SCHIP1: variants seen among roughly 807,000 people sequenced by gnomAD.
The protein encoded by SCHIP1 is schwannomin-interacting protein 1.
Under a neutral mutation model 29.7 loss-of-function variants are expected in SCHIP1, and 8 were observed. That is an observed-to-expected ratio of 0.27 (90% CI 0.16 to 0.49). The LOEUF (loss-of-function observed/expected upper bound fraction) is 0.49. SCHIP1 is among the 20% of genes least tolerant of loss of function. The pLI, the probability that SCHIP1 is intolerant of heterozygous loss-of-function variation, is 0.99. For synonymous variants in SCHIP1, 76 were observed against 94.9 expected (o/e 0.80, Z 1.16); for missense variants, 193 against 294.6 (o/e 0.66, Z 2.52).
the SCHIP1 span, among the ~76,000 whole-genome samples, chr3:159,478,395 T>C: frequency 6.6e-6 from 1 of 152,164 alleles, no homozygotes; most frequent in East Asian, 1.9e-4. Context: ...ACTGCAAATG[T>C]GTGGCCTTCA....
the SCHIP1 span, among the ~76,000 whole-genome samples, chr3:159,458,620 AATAG>A: frequency 6.6e-6 from 1 of 151,070 alleles, no homozygotes; most frequent in African/African-American, 2.4e-5. Context: ...AGCTCCTTGT[AATAG>A]ATAGTAAAGA....
chr3:159,452,768 CA>C, the SCHIP1 span, among the ~76,000 whole-genome samples: 1 of 152,196 alleles, frequency 6.6e-6, no homozygotes, highest in Non-Finnish European at 1.5e-5. Context: ...CTCCCACCAA[CA>C]GTATAAAAGT....
chr3:159,332,939 A>G, the SCHIP1 span, among the ~76,000 whole-genome samples: 33 of 152,234 alleles, frequency 2.2e-4, no homozygotes, highest in Non-Finnish European at 4.4e-4. Flanking sequence ...TTGCTCCTGC[A>G]TCATAGTCCA....
chr3:159,888,979 A>G (rs368684278), intron 5 of SCHIP1, 36 bp downstream of exon 6: 17 of 1,606,632 alleles, frequency 1.1e-5, no homozygotes, highest in South Asian at 1.0e-4. Context: ...AGGATATTCA[A>G]TGTAAAACAT....
the SCHIP1 span, among the ~76,000 whole-genome samples, chr3:159,275,887 AT>A: frequency 6.6e-6 from 1 of 152,128 alleles, no homozygotes; most frequent in Non-Finnish European, 1.5e-5. Context: ...ACAATCTTAA[AT>A]TTAGTTGAGT....
At chr3:159,554,003 TG>T in the SCHIP1 span, among the ~76,000 whole-genome samples, 3 of 126,324 alleles carry the variant, frequency 2.4e-5, no homozygotes, top group African/African-American at 8.1e-5. Flanking sequence ...TGTGTGTGTG[TG>T]TGTGTGTGTG....
the SCHIP1 span, among the ~76,000 whole-genome samples, chr3:159,378,724 T>A: frequency 6.6e-6 from 1 of 151,996 alleles, no homozygotes; most frequent in Non-Finnish European, 1.5e-5. Context: ...GTTGGATATG[T>A]TCACCATCAC....
the SCHIP1 span, among the ~76,000 whole-genome samples, chr3:159,347,358 A>T: frequency 6.6e-6 from 1 of 152,190 alleles, no homozygotes; most frequent in Non-Finnish European, 1.5e-5. Context: ...CTTACATTTC[A>T]GAGAAAAAAA....
chr3:159,821,516 C>T, the SCHIP1 span, among the ~76,000 whole-genome samples: 1 of 152,212 alleles, frequency 6.6e-6, no homozygotes, highest in African/African-American at 2.4e-5. Context: ...TTGCCATCAA[C>T]TGAAACATGT....
chr3:159,850,344 A>T (rs1453031839), intron 1 of SCHIP1, among the ~76,000 whole-genome samples: 1 of 152,138 alleles, frequency 6.6e-6, no homozygotes, highest in African/African-American at 2.4e-5. Flanking sequence ...ACCTGAGGTC[A>T]GGAGTTCGAG....
the SCHIP1 span, among the ~76,000 whole-genome samples, chr3:159,309,495 G>T: frequency 3.2e-4 from 49 of 152,216 alleles, no homozygotes; most frequent in African/African-American, 1.1e-3. Flanking sequence ...TGTGGAGTTA[G>T]ACTCATTTTC....
chr3:159,398,165 T>A, the SCHIP1 span, among the ~76,000 whole-genome samples: 1 of 152,158 alleles, frequency 6.6e-6, no homozygotes, highest in East Asian at 1.9e-4. Flanking sequence ...AGTGAGGCAA[T>A]GCCTCACCCT....
chr3:159,881,637 A>C (rs191579236), intron 2 of SCHIP1, among the ~76,000 whole-genome samples: 2 of 152,356 alleles, frequency 1.3e-5, no homozygotes, highest in African/African-American at 4.8e-5. Context: ...TGTTAAGTGT[A>C]GTATAAGGGA....
At chr3:159,858,349 G>A (rs112651095) in intron 1 of SCHIP1, among the ~76,000 whole-genome samples, 21 of 152,238 alleles carry the variant, frequency 1.4e-4, no homozygotes, top group African/African-American at 3.9e-4. Context: ...CTCCTCTACC[G>A]TAGCCATCTT....
chr3:159,708,241 A>G, the SCHIP1 span, among the ~76,000 whole-genome samples: 1 of 152,196 alleles, frequency 6.6e-6, no homozygotes. Context: ...CTCACTCCAA[A>G]TGTAGGCAAT....
chr3:159,626,230 CTAGATATATCTATCTATCTATATAGA>C, the SCHIP1 span, among the ~76,000 whole-genome samples: 27 of 80,184 alleles, frequency 3.4e-4, no homozygotes, highest in African/African-American at 3.0e-3. Context: ...ATATATATAT[CTAGATATATCTATCTATCTATATAGA>C]TAGATAGATA....
At chr3:159,512,033 A>G in the SCHIP1 span, among the ~76,000 whole-genome samples, 1 of 152,228 alleles carries the variant, frequency 6.6e-6, no homozygotes. Flanking sequence ...CTTCAAAAGC[A>G]TCACTAGAAA....
At chr3:159,343,326 T>G in the SCHIP1 span, among the ~76,000 whole-genome samples, 6 of 152,236 alleles carry the variant, frequency 3.9e-5, no homozygotes, top group African/African-American at 1.4e-4. Flanking sequence ...ATACATACAT[T>G]TTAATTAGTT....
At chr3:159,797,164 G>C in the SCHIP1 span, among the ~76,000 whole-genome samples, 1 of 152,314 alleles carries the variant, frequency 6.6e-6, no homozygotes, top group South Asian at 2.1e-4. Flanking sequence ...TTATAAGTTG[G>C]TAAGGTTGTT....
Sources: gnomAD v4.1 joint callset for allele counts (sites outside exome capture counted in the v4.1 genomes callset) on GRCh38, gnomAD v4.1.1 for gene constraint, MANE v1.5 for transcripts, NCBI Gene and HGNC (gene_info 2026-07-23, HGNC 2026-07-21) for gene names.